The following MSRA variants were observed in gnomAD, a reference collection of about 807,000 sequenced individuals.
MSRA encodes the protein mitochondrial peptide methionine sulfoxide reductase.
In MSRA, 54 loss-of-function variants were observed where a neutral mutation model predicts 31.3. The ratio of observed to expected loss-of-function variants is 1.73; its 90% CI spans 1.39 to 2.17. The LOEUF (loss-of-function observed/expected upper bound fraction) is 2.17, where lower values mean the gene tolerates loss of function less well. Among genes scored for constraint, MSRA ranks in the 30% most tolerant of loss-of-function variants. MSRA has a pLI of 0.00. For synonymous variants in MSRA, 169 were observed against 116.5 expected (o/e 1.45, Z -2.90); for missense variants, 507 against 300.9 (o/e 1.69, Z -5.07).
At chr8:10,413,070 A>C (rs910012992) in intron 5 of MSRA, among the ~76,000 whole-genome samples, 1 of 152,234 alleles carries the variant, frequency 6.6e-6, no homozygotes, top group African/African-American at 2.4e-5. Context: ...GAAACAACCT[A>C]AGTGGCCTTC....
At chr8:10,179,632 C>G (rs1358837458) in intron 1 of MSRA, among the ~76,000 whole-genome samples, 1 of 152,160 alleles carries the variant, frequency 6.6e-6, no homozygotes, top group Non-Finnish European at 1.5e-5. Context: ...TGAATCGACC[C>G]AGCTGATGGG....
chr8:10,399,971 G>A (rs1807347795), intron 5 of MSRA, among the ~76,000 whole-genome samples: 1 of 152,178 alleles, frequency 6.6e-6, no homozygotes, highest in Non-Finnish European at 1.5e-5. Context: ...TGGGAGTGAG[G>A]CCTTTCCTGA....
intron 3 of MSRA, among the ~76,000 whole-genome samples, chr8:10,260,304 C>G (rs983796091): frequency 6.6e-6 from 1 of 152,108 alleles, no homozygotes; most frequent in Non-Finnish European, 1.5e-5. Flanking sequence ...CCACGCCTGG[C>G]CAGTGACAGG....
At chr8:10,402,506 A>G (rs1251209608) in intron 5 of MSRA, among the ~76,000 whole-genome samples, 3 of 152,208 alleles carry the variant, frequency 2.0e-5, no homozygotes, top group African/African-American at 2.4e-5. Context: ...GATCATTCCA[A>G]TGACGCAAGC....
At chr8:10,067,477 T>G (rs928873222) in intron 1 of MSRA, among the ~76,000 whole-genome samples, 1 of 152,254 alleles carries the variant, frequency 6.6e-6, no homozygotes, top group Admixed American at 6.5e-5. Context: ...CAGTTATGAA[T>G]AAAGCCTCTA....
At chr8:10,332,244 C>A (rs559700461) in intron 5 of MSRA, among the ~76,000 whole-genome samples, 1 of 152,196 alleles carries the variant, frequency 6.6e-6, no homozygotes, top group Non-Finnish European at 1.5e-5. Context: ...TTCACCAACA[C>A]TGAAACATCA....
intron 1 of MSRA, among the ~76,000 whole-genome samples, chr8:10,118,892 G>C (rs1336861136): frequency 2.6e-5 from 4 of 152,178 alleles, no homozygotes; most frequent in African/African-American, 9.7e-5. Flanking sequence ...ACATTGGGAA[G>C]GCATATGGGA....
Position 10,337,369 on chromosome 8 carries a change from C to T in MSRA, c.543+17380C>T, listed in dbSNP as rs185569327. The T allele has an allele frequency of 2.8e-4, 52 of 188,528 alleles. No individual in the cohort carries two copies. In the East Asian group the frequency reaches 6.2e-3, roughly 23 times the overall value. The allele number at this position is 188,528 out of a possible 1,614,324, so 11.7% of individuals were successfully genotyped here. On this transcript the variant is annotated intron_variant, in intron 5 of 5. Transcript: ENST00000317173. ...TAATTTTTTTTATTTTTAGTAGAGA[C>T]GGCATTTCACTGTGTTAGCCAGGAT... is the stretch of plus-strand genomic sequence containing the variant.
intron 1 of MSRA, among the ~76,000 whole-genome samples, chr8:10,071,055 T>C (rs147357559): frequency 4.9e-4 from 74 of 152,322 alleles, no homozygotes; most frequent in African/African-American, 1.7e-3. Context: ...GATAATTGCA[T>C]GTTTAGTTTC....
At chr8:10,208,662 T>G (rs1809223184) in intron 2 of MSRA, among the ~76,000 whole-genome samples, 1 of 152,150 alleles carries the variant, frequency 6.6e-6, no homozygotes, top group Non-Finnish European at 1.5e-5. Context: ...TTCATCCCTG[T>G]GTTACCCACT....
intron 3 of MSRA, among the ~76,000 whole-genome samples, chr8:10,271,300 CA>C (rs1799024856): frequency 6.6e-6 from 1 of 151,996 alleles, no homozygotes; most frequent in Non-Finnish European, 1.5e-5. Flanking sequence ...CAGGCAAACC[CA>C]GAATTTGGGA....
Position 10,075,065 on chromosome 8 carries a change from C to T in MSRA, c.142+20407C>T, listed in dbSNP as rs553730414. ...GCTAGCATTTATTTTCTTTACTACT[C>T]ATTTGGTATGCATTCATATTATTTG... is the stretch of plus-strand genomic sequence containing the variant. On this transcript the variant is annotated intron_variant, in intron 1 of 5. Transcript: ENST00000317173. Among the ~76,000 whole-genome samples, 292 of 152,324 alleles carry T rather than the reference C, an allele frequency of 1.9e-3. 2 individuals are homozygous for T. Among genetic ancestry groups the T allele is most frequent in the African/African-American group, 6.7e-3 (277 of 41,564 alleles).
chr8:10,223,421 C>A (rs1810701007), intron 2 of MSRA, among the ~76,000 whole-genome samples: 1 of 152,162 alleles, frequency 6.6e-6, no homozygotes, highest in Admixed American at 6.6e-5. Context: ...CGATGAAGTA[C>A]ATCAGCATTT....
At chr8:10,426,040 A>G (rs1019789027) in intron 5 of MSRA, among the ~76,000 whole-genome samples, 1 of 152,106 alleles carries the variant, frequency 6.6e-6, no homozygotes, top group African/African-American at 2.4e-5. Context: ...TTCCACAGCC[A>G]CCTGGCATCC....
intron 1 of MSRA, among the ~76,000 whole-genome samples, chr8:10,127,955 C>T (rs1801619437): frequency 6.6e-6 from 1 of 152,004 alleles, no homozygotes; most frequent in Non-Finnish European, 1.5e-5. Flanking sequence ...CAGTGTTTCT[C>T]CTGGGGCAGT....
intron 5 of MSRA, among the ~76,000 whole-genome samples, chr8:10,418,931 C>G (rs1022328618): frequency 8.6e-5 from 13 of 151,312 alleles, no homozygotes; most frequent in African/African-American, 2.4e-4. Context: ...GCACTCCAGC[C>G]TGGGTGACAG....
intron 1 of MSRA, among the ~76,000 whole-genome samples, chr8:10,113,728 T>G (rs1229161570): frequency 6.6e-6 from 1 of 151,866 alleles, no homozygotes; most frequent in Admixed American, 6.6e-5. Context: ...TTCAGGAGAT[T>G]GTGCATTGAA....
chr8:10,288,194 C>T (rs1158333595), intron 3 of MSRA, among the ~76,000 whole-genome samples: 3 of 152,174 alleles, frequency 2.0e-5, no homozygotes, highest in South Asian at 2.1e-4. Flanking sequence ...AAATTATAGT[C>T]GCCCTAAGCG....
At chr8:10,370,154 C>T (rs1223020682) in intron 5 of MSRA, among the ~76,000 whole-genome samples, 1 of 152,216 alleles carries the variant, frequency 6.6e-6, no homozygotes, top group East Asian at 1.9e-4. Flanking sequence ...CATTTTCATT[C>T]CCTCAAGCCT....
Sources: gnomAD v4.1 joint callset for allele counts (sites outside exome capture counted in the v4.1 genomes callset) on GRCh38, gnomAD v4.1.1 for gene constraint, MANE v1.5 for transcripts, NCBI Gene and HGNC (gene_info 2026-07-23, HGNC 2026-07-21) for gene names.